Variants in SPEN observed in about 807,000 individuals in gnomAD.
SPEN encodes spen family transcriptional repressor.
SPEN carries 18 observed loss-of-function variants against 269.9 expected under a neutral mutation model. That is an observed-to-expected ratio of 0.07 (90% confidence interval 0.05 to 0.10). The LOEUF (loss-of-function observed/expected upper bound fraction) is 0.10, where lower values mean the gene tolerates loss of function less well. Ranked by LOEUF, SPEN falls within the 10% of genes least tolerant of loss-of-function variation. The probability of loss-of-function intolerance (pLI) is 1.00; values close to 1 mark genes in which losing one functional copy is unlikely to be tolerated. For missense variants in SPEN, 3,822 were observed against 4,631.2 expected (o/e 0.83, Z 5.07); for synonymous variants, 1,726 against 1,765.7 (o/e 0.98, Z 0.56).
chr1:15,890,916 C>T (rs79105003), intron 3 of SPEN, among the ~76,000 whole-genome samples: 5,300 of 152,180 alleles, frequency 0.035, 294 homozygotes, highest in African/African-American at 0.12. Flanking sequence ...TTTTGCAGTT[C>T]ATCCGTGTTA....
chr1:15,875,963 A>T (rs1016953585), intron 2 of SPEN, among the ~76,000 whole-genome samples: 8 of 152,238 alleles, frequency 5.3e-5, no homozygotes, highest in African/African-American at 1.9e-4. Context: ...GAGCTGCAGA[A>T]CACTAGTCAT....
intron 1 of SPEN, among the ~76,000 whole-genome samples, chr1:15,854,608 C>T (rs1178721825): frequency 1.3e-5 from 2 of 151,990 alleles, no homozygotes; most frequent in Non-Finnish European, 2.9e-5. Flanking sequence ...CCTCAGCCTC[C>T]CAAGTAGCTG....
chr1:15,918,194 GATTT>G (rs1403699548), intron 6 of SPEN, among the ~76,000 whole-genome samples: 3 of 152,148 alleles, frequency 2.0e-5, no homozygotes, highest in Admixed American at 6.5e-5. Flanking sequence ...AAAGAACAAA[GATTT>G]ATTAATCTTC....
At chr1:15,884,237 A>G (rs559101561) in intron 3 of SPEN, among the ~76,000 whole-genome samples, 5 of 152,336 alleles carry the variant, frequency 3.3e-5, no homozygotes, top group African/African-American at 1.2e-4. Flanking sequence ...TCTAATAAGA[A>G]GCATTTTTTT....
At chr1:15,849,108 A>G (rs1473243265) in intron 1 of SPEN, among the ~76,000 whole-genome samples, 1 of 152,132 alleles carries the variant, frequency 6.6e-6, no homozygotes, top group Non-Finnish European at 1.5e-5. Context: ...ACCGTAACAG[A>G]TAGGCCTCCG....
chr1:15,885,588 T>C (rs2070729806), intron 3 of SPEN, among the ~76,000 whole-genome samples: 1 of 152,228 alleles, frequency 6.6e-6, no homozygotes, highest in Non-Finnish European at 1.5e-5. Context: ...AAAAGTTACC[T>C]ACTTGGAAGG....
At chr1:15,862,370 G>A (rs2070456826) in intron 1 of SPEN, among the ~76,000 whole-genome samples, 1 of 152,206 alleles carries the variant, frequency 6.6e-6, no homozygotes, top group African/African-American at 2.4e-5. Context: ...ATTATTGTGA[G>A]AATAGTGTCC....
chr1:15,869,980 C>T (rs1406572763), intron 1 of SPEN, among the ~76,000 whole-genome samples: 11 of 151,934 alleles, frequency 7.2e-5, no homozygotes, highest in South Asian at 2.1e-4. Flanking sequence ...GCGATTCTCC[C>T]GCTTTAGCCT....
At chr1:15,874,879 A>G (rs2070615624) in intron 2 of SPEN, among the ~76,000 whole-genome samples, 1 of 152,226 alleles carries the variant, frequency 6.6e-6, no homozygotes, top group African/African-American at 2.4e-5. Context: ...AACTAAGCCT[A>G]GGAAGGTGGG....
rs934415610 is a variant in SPEN, at chr1:15,937,914, C to T, written c.10612C>T (p.Leu3538=). 2.1e-5 allele frequency: 34 copies of T among 1,614,102 alleles called. No individual in the cohort carries two copies. Among genetic ancestry groups the T allele is most frequent in the Non-Finnish European group, 2.9e-5 (34 of 1,180,046 alleles). The change falls in exon 13 of 15, where the codon CTG becomes TTG. Residue 3538 remains leucine (L), a synonymous_variant. Coordinates refer to ENST00000375759, the MANE Select transcript of SPEN (RefSeq NM_015001.3). The surrounding 1 kb of genome is among the most constrained non-coding windows in gnomAD (Gnocchi z 5.7). ...SGNNVLAHRS[L]PLSEGGPPLR... ...CAACAACGTCCTGGCCCATCGGTCC[C>T]TGCCCCTTTCTGAAGGAGGGCCCCC...
At chr1:15,899,563 T>A (rs1057399616) in intron 3 of SPEN, among the ~76,000 whole-genome samples, 8 of 146,322 alleles carry the variant, frequency 5.5e-5, no homozygotes, top group East Asian at 2.0e-4. Context: ...TTTTTTTTTT[T>A]AAGATCCTGT....
Position 15,928,666 on chromosome 1 carries a change from TA to T in SPEN, c.2427del (p.Arg810GlyfsTer48). On this transcript the variant is annotated frameshift_variant, in exon 11 of 15. Transcript: ENST00000375759. LOFTEE classifies it high-confidence loss of function. The surrounding 1 kb of genome is among the most constrained non-coding windows in gnomAD (Gnocchi z 5.7). Reference protein sequence around the residue: ...PERVERERRLIRKEKVEKDKT... With the variant: ...PERVERERRLXRKEKVEKDKT... The stretch of plus-strand genomic sequence containing the variant: ...AGAGTGGAGAGAGAGAGACGCTTAA[TA>T]CGGAAGGAAAAAGTGGAAAAGGACA... 1 of 1,613,704 alleles carries T rather than the reference TA, an allele frequency of 6.2e-7. No individual in the cohort carries two copies. Among genetic ancestry groups the T allele is most frequent in the Non-Finnish European group, 8.5e-7 (1 of 1,179,980 alleles).
intron 3 of SPEN, among the ~76,000 whole-genome samples, chr1:15,892,012 CTTTTT>C (rs71003216): frequency 2.1e-4 from 16 of 74,572 alleles, no homozygotes; most frequent in African/African-American, 7.2e-4. Context: ...TTTCTTTTTA[CTTTTT>C]TTTTTTTTTT....
In SPEN at chr1:15,940,428, ACAAACTT is replaced by A. The variant is rs2071335533; in HGVS notation, c.*1002_*1008del. 1 of 230,462 alleles carries A rather than the reference ACAAACTT, an allele frequency of 4.3e-6. No homozygotes were observed. 14.3% of individuals were successfully genotyped at this position (230,462 alleles called of 1,614,324 possible). On this transcript the variant is annotated 3_prime_UTR_variant, in exon 15 of 15. Transcript: ENST00000375759. ...TTTTGTTTTGTGTGTCCATTGGATT[ACAAACTT>A]TATTAAAAAATATAAAACACACCAA... is the stretch of plus-strand genomic sequence containing the variant.
chr1:15,930,181 C>G lies in SPEN; in HGVS notation c.3941C>G (p.Ser1314Cys). ...TCTTTAAAATTTAATCCTTATGATT[C>G]TAGCAGGAGAGAACAGATGGCAGAT... ...EESLKFNPYDSSRREQMADMA... is the reference protein window; with the variant it reads ...EESLKFNPYDCSRREQMADMA... The change falls in exon 11 of 15, where the codon TCT (serine) becomes TGT (cysteine). Residue 1314 changes from serine to cysteine, a missense_variant. Ser to Cys is a moderately radical substitution (Grantham distance 112). Transcript: ENST00000375759. The surrounding 1 kb of genome is among the most constrained non-coding windows in gnomAD (Gnocchi z 5.3). 1.2e-6 allele frequency: 2 copies of G among 1,614,128 alleles called. No homozygotes were observed. The highest frequency in any genetic ancestry group is 1.7e-6 in the Non-Finnish European group (2 of 1,180,038).
chr1:15,868,855 T>C (rs756974551), intron 1 of SPEN, among the ~76,000 whole-genome samples: 7 of 152,248 alleles, frequency 4.6e-5, no homozygotes, highest in Non-Finnish European at 1.0e-4. Context: ...TGACATGAGG[T>C]ATATGACATA....
At chr1:15,906,773 C>CTTTTT (rs1229092780) in intron 3 of SPEN, among the ~76,000 whole-genome samples, 1,364 of 96,466 alleles carry the variant, frequency 0.014, 29 homozygotes, top group Non-Finnish European at 0.022. Context: ...ATGTTTTCAT[C>CTTTTT]TTTTTTTTTT....
chr1:15,940,295 C>A lies in SPEN; in HGVS notation c.*868C>A, dbSNP rs575402591. On this transcript the variant is annotated 3_prime_UTR_variant, in exon 15 of 15. Transcript: ENST00000375759. ...CTGCTCCCGCGATGTGGAAGTGTCA[C>A]ACGGCACCTGTACAAAAAGACTGGC... The A allele has an allele frequency of 4.3e-6, 1 of 233,248 alleles. No homozygotes were observed. The highest frequency in any genetic ancestry group is 8.5e-6 in the Non-Finnish European group (1 of 117,750). The allele number at this position is 233,248 out of a possible 1,614,324, so 14.4% of individuals were successfully genotyped here.
intron 1 of SPEN, among the ~76,000 whole-genome samples, chr1:15,855,898 G>C (rs370777312): frequency 1.9e-4 from 29 of 151,102 alleles, no homozygotes; most frequent in Non-Finnish European, 3.7e-4. Flanking sequence ...TGCAGTGAAG[G>C]CTCATTTGCA....
Sources: gnomAD v4.1 joint callset for allele counts (sites outside exome capture counted in the v4.1 genomes callset) on GRCh38, gnomAD v4.1.1 for gene constraint, Gnocchi (gnomAD v3.1) non-coding constraint, MANE v1.5 for transcripts, NCBI Gene and HGNC (gene_info 2026-07-23, HGNC 2026-07-21) for gene names.